The following ROBO2 variants were observed in gnomAD, a reference collection of about 807,000 sequenced individuals.
The protein encoded by ROBO2 is roundabout homolog 2.
In ROBO2, 53 loss-of-function variants were observed where a neutral mutation model predicts 160.8. The observed-to-expected ratio is 0.33, with a 90% CI of 0.26 to 0.41. The LOEUF is 0.41. Among genes scored for constraint, ROBO2 ranks in the 10% least tolerant of loss-of-function variants. ROBO2 has a pLI of 1.00. For missense variants in ROBO2, 1,577 were observed against 1,722.4 expected (o/e 0.92, Z 1.49); for synonymous variants, 664 against 611.7 (o/e 1.09, Z -1.26).
chr3:75,977,754 A>T (rs771145029), intron 2 of ROBO2, among the ~76,000 whole-genome samples: 1 of 151,574 alleles, frequency 6.6e-6, no homozygotes, highest in Non-Finnish European at 1.5e-5. Context: ...CAGAAAAGGT[A>T]GAGTGACAAA....
chr3:76,398,944 C>G (rs553510617), intron 2 of ROBO2, among the ~76,000 whole-genome samples: 8 of 151,832 alleles, frequency 5.3e-5, no homozygotes, highest in Non-Finnish European at 1.2e-4. Context: ...GGACAATAAT[C>G]TATTATCATC....
At chr3:77,109,761 T>TA (rs1293877028) in intron 2 of ROBO2, among the ~76,000 whole-genome samples, 1 of 152,250 alleles carries the variant, frequency 6.6e-6, no homozygotes, top group African/African-American at 2.4e-5. Flanking sequence ...AGCTGGGATT[T>TA]GAACGCTGGC....
intron 2 of ROBO2, among the ~76,000 whole-genome samples, chr3:76,623,967 TCAA>T (rs1276780904): frequency 1.4e-4 from 21 of 152,130 alleles, no homozygotes; most frequent in African/African-American, 5.1e-4. Context: ...ATTTTATCAG[TCAA>T]CAACTATCTT....
At chr3:76,067,293 C>A (rs900380768) in intron 2 of ROBO2, among the ~76,000 whole-genome samples, 1 of 152,110 alleles carries the variant, frequency 6.6e-6, no homozygotes, top group African/African-American at 2.4e-5. Flanking sequence ...ATATCAAGAT[C>A]AAAGGAGGAC....
At chr3:76,090,897 GCGAA>G (rs1247514207) in intron 2 of ROBO2, among the ~76,000 whole-genome samples, 2 of 152,168 alleles carry the variant, frequency 1.3e-5, no homozygotes, top group African/African-American at 2.4e-5. Context: ...ACACCCACAT[GCGAA>G]CAAACTAAGT....
intron 2 of ROBO2, among the ~76,000 whole-genome samples, chr3:76,215,865 C>T (rs1703485795): frequency 6.6e-6 from 1 of 152,096 alleles, no homozygotes; most frequent in African/African-American, 2.4e-5. Flanking sequence ...CTGGCAGATT[C>T]ACCAAAGTTG....
intron 2 of ROBO2, among the ~76,000 whole-genome samples, chr3:76,200,322 T>C (rs1480148618): frequency 6.6e-6 from 1 of 152,116 alleles, no homozygotes; most frequent in Non-Finnish European, 1.5e-5. Flanking sequence ...CTTCTTCTGG[T>C]GTGGGAAAGG....
intron 2 of ROBO2, among the ~76,000 whole-genome samples, chr3:76,121,223 T>G (rs1178308187): frequency 6.6e-6 from 1 of 152,180 alleles, no homozygotes; most frequent in Non-Finnish European, 1.5e-5. Context: ...GAATTATTTT[T>G]CCAGTAGTAG....
chr3:77,052,258 C>T (rs1217918420), intron 1 of ROBO2, among the ~76,000 whole-genome samples: 1 of 152,130 alleles, frequency 6.6e-6, no homozygotes, highest in East Asian at 1.9e-4. Flanking sequence ...CCTTTAAAAA[C>T]TTTTGTTTTT....
intron 2 of ROBO2, among the ~76,000 whole-genome samples, chr3:77,030,651 C>T (rs1383703477): frequency 1.3e-5 from 2 of 152,148 alleles, no homozygotes; most frequent in East Asian, 3.9e-4. Flanking sequence ...AATTGGTTCT[C>T]GTTGCATCTG....
intron 2 of ROBO2, among the ~76,000 whole-genome samples, chr3:76,172,740 T>G (rs1434942708): frequency 6.6e-6 from 1 of 152,146 alleles, no homozygotes; most frequent in Non-Finnish European, 1.5e-5. Flanking sequence ...TTAGCCACAC[T>G]TCATGAGGTA....
At chr3:76,662,184 T>G (rs1295771404) in intron 2 of ROBO2, among the ~76,000 whole-genome samples, 1 of 152,078 alleles carries the variant, frequency 6.6e-6, no homozygotes, top group East Asian at 1.9e-4. Context: ...GTCCCTTCAG[T>G]TGGTTGGAGG....
chr3:76,851,579 C>CA (rs1229420218), intron 2 of ROBO2, among the ~76,000 whole-genome samples: 16 of 149,192 alleles, frequency 1.1e-4, no homozygotes, highest in South Asian at 6.5e-4. Flanking sequence ...ACTAAAAATA[C>CA]AAAAAATTAG....
chr3:77,000,138 A>G (rs370490390), intron 2 of ROBO2, among the ~76,000 whole-genome samples: 2 of 152,142 alleles, frequency 1.3e-5, no homozygotes, highest in African/African-American at 4.8e-5. Context: ...ATTTTGGCCA[A>G]AAATACTCCC....
intron 2 of ROBO2, among the ~76,000 whole-genome samples, chr3:76,266,979 T>C (rs151118702): frequency 1.3e-5 from 2 of 152,302 alleles, no homozygotes; most frequent in African/African-American, 4.8e-5. Flanking sequence ...GGTACTTAAA[T>C]TGAAATATTT....
At chr3:77,289,029 G>A (rs914723735) in intron 2 of ROBO2, among the ~76,000 whole-genome samples, 3 of 152,274 alleles carry the variant, frequency 2.0e-5, no homozygotes, top group African/African-American at 7.2e-5. Flanking sequence ...TTTTGTTTCT[G>A]TGTGTTTGTT....
chr3:77,041,491 C>G (rs1344010459), intron 1 of ROBO2, among the ~76,000 whole-genome samples: 1 of 152,180 alleles, frequency 6.6e-6, no homozygotes, highest in Non-Finnish European at 1.5e-5. Context: ...CAATGGGGAC[C>G]TTAAACAGGT....
chr3:76,889,352 A>C (rs2074162078), intron 2 of ROBO2, among the ~76,000 whole-genome samples: 1 of 152,250 alleles, frequency 6.6e-6, no homozygotes, highest in Non-Finnish European at 1.5e-5. Context: ...AAATCTTATA[A>C]GAAATGGGTG....
At chr3:76,120,818 A>T (rs567339325) in intron 2 of ROBO2, among the ~76,000 whole-genome samples, 372 of 152,294 alleles carry the variant, frequency 2.4e-3, no homozygotes, top group African/African-American at 8.6e-3. Flanking sequence ...AAACTTCTAT[A>T]AAAATTCTCC....
Sources: allele counts gnomAD v4.1 joint callset (sites outside exome capture counted in the v4.1 genomes callset), GRCh38; gene constraint gnomAD v4.1.1; transcripts MANE v1.5; gene names NCBI Gene and HGNC (gene_info 2026-07-23, HGNC 2026-07-21).